CHODL: variants seen among roughly 807,000 people sequenced by gnomAD.
CHODL encodes the protein transmembrane protein MT75.
A neutral mutation model predicts 34.5 loss-of-function variants in CHODL; 29 were observed. The ratio of observed to expected loss-of-function variants is 0.84; its 90% confidence interval spans 0.63 to 1.15. The LOEUF (loss-of-function observed/expected upper bound fraction) is 1.15, where lower values mean the gene tolerates loss of function less well. Ranked by LOEUF, CHODL falls within the 50% of genes most tolerant of loss-of-function variation. The pLI is 0.00. For missense variants in CHODL, 332 were observed against 332.5 expected, an observed-to-expected ratio of 1.00 and a Z score of 0.01; for synonymous variants, 125 against 116.1, an observed-to-expected ratio of 1.08 and a Z score of -0.49.
At chr21:18,064,539 C>T (rs932396616) in intron 2 of CHODL, among the ~76,000 whole-genome samples, 2 of 152,100 alleles carry the variant, frequency 1.3e-5, no homozygotes, top group African/African-American at 4.8e-5. Flanking sequence ...TGGTCTTTTC[C>T]TGCCTTTGTA....
chr21:18,218,588 C>T (rs527572401), intron 2 of CHODL, among the ~76,000 whole-genome samples: 151 of 152,298 alleles, frequency 9.9e-4, no homozygotes, highest in African/African-American at 3.6e-3. Context: ...ACATTGGGCT[C>T]CTCATTACTT....
rs374801093 is a variant in CHODL at position 18,143,582 on chromosome 21, G to T, written c.-44-112927G>T. Reference sequence around the variant, plus strand: ...TCAAATATTAACTGTGTTACTTTCGGCAATTTACTTAAACTCTATGAGTCT... The same window carrying T: ...TCAAATATTAACTGTGTTACTTTCGTCAATTTACTTAAACTCTATGAGTCT... On this transcript the variant is annotated intron_variant, in intron 2 of 6. Coordinates refer to the CHODL transcript ENST00000400127. Among the ~76,000 whole-genome samples, 17 of 152,108 alleles carry T rather than the reference G, an allele frequency of 1.1e-4. No homozygotes were observed. The East Asian group carries it at 2.7e-3, about 24-fold the overall frequency.
chr21:18,181,315 TG>T (rs2073378557), intron 2 of CHODL, among the ~76,000 whole-genome samples: 1 of 152,252 alleles, frequency 6.6e-6, no homozygotes, highest in Non-Finnish European at 1.5e-5. Context: ...TTAGTAGAGT[TG>T]TGCAACCATC....
intron 2 of CHODL, among the ~76,000 whole-genome samples, chr21:18,031,994 A>G (rs2064253576): frequency 6.6e-6 from 1 of 152,138 alleles, no homozygotes; most frequent in Admixed American, 6.6e-5. Context: ...ACACTAATTT[A>G]CAATGCTACT....
chr21:18,205,946 CA>C (rs2146715104), intron 2 of CHODL, among the ~76,000 whole-genome samples: 1 of 152,138 alleles, frequency 6.6e-6, no homozygotes, highest in Non-Finnish European at 1.5e-5. Flanking sequence ...GTATAGTTTT[CA>C]AAATTCCTCT....
chr21:18,220,972 T>A (rs976955862), intron 2 of CHODL, among the ~76,000 whole-genome samples: 4 of 152,182 alleles, frequency 2.6e-5, no homozygotes, highest in African/African-American at 9.6e-5. Context: ...ATTATTTTGT[T>A]AAATAGGTTT....
intron 2 of CHODL, among the ~76,000 whole-genome samples, chr21:18,174,320 T>C (rs1334310095): frequency 1.3e-5 from 2 of 151,448 alleles, no homozygotes; most frequent in Non-Finnish European, 2.9e-5. Context: ...AATTTTTTCT[T>C]GCAATTTTTT....
chr21:18,245,364 G>T, intron 1 of CHODL, 62 bp downstream of exon 1: 1 of 1,386,574 alleles, frequency 7.2e-7, no homozygotes, highest in South Asian at 1.4e-5. Flanking sequence ...GGCGCGGCGG[G>T]CAGCCTGTTC....
At chr21:18,003,259 TC>T (rs2063928156) in intron 1 of CHODL, among the ~76,000 whole-genome samples, 1 of 151,684 alleles carries the variant, frequency 6.6e-6, no homozygotes, top group Non-Finnish European at 1.5e-5. Context: ...TGTCAAACTT[TC>T]CCCAAGTGAT....
intron 2 of CHODL, among the ~76,000 whole-genome samples, chr21:18,122,723 C>T (rs1358903745): frequency 1.3e-5 from 2 of 152,122 alleles, no homozygotes; most frequent in Non-Finnish European, 2.9e-5. Flanking sequence ...TAAAGCACTA[C>T]TAAAGCTAAT....
chr21:17,990,483 G>A (rs2063788442), intron 1 of CHODL, among the ~76,000 whole-genome samples: 1 of 152,056 alleles, frequency 6.6e-6, no homozygotes, highest in South Asian at 2.1e-4. Context: ...ATACTGGGAT[G>A]TTAGAATATT....
intron 1 of CHODL, among the ~76,000 whole-genome samples, chr21:17,923,000 A>G (rs1474537291): frequency 6.6e-6 from 1 of 152,162 alleles, no homozygotes; most frequent in Non-Finnish European, 1.5e-5. Flanking sequence ...GACAACTTCA[A>G]GCAGGGAGGG....
intron 2 of CHODL, among the ~76,000 whole-genome samples, chr21:18,190,745 C>T (rs535037863): frequency 1.3e-5 from 2 of 152,070 alleles, no homozygotes; most frequent in Non-Finnish European, 2.9e-5. Context: ...TTTTGTATAG[C>T]AATCTGATAA....
intron 2 of CHODL, among the ~76,000 whole-genome samples, chr21:18,047,253 A>C (rs2064455436): frequency 6.6e-6 from 1 of 151,888 alleles, no homozygotes. Flanking sequence ...ATATTGCCTA[A>C]TTAGATTAAC....
intron 2 of CHODL, among the ~76,000 whole-genome samples, chr21:18,209,946 T>C (rs1298746473): frequency 1.3e-5 from 2 of 152,154 alleles, no homozygotes; most frequent in Admixed American, 6.5e-5. Context: ...AAGTGGAAGA[T>C]AGAATTTTCT....
chr21:18,023,506 G>A (rs948979994), intron 1 of CHODL, among the ~76,000 whole-genome samples: 3 of 152,046 alleles, frequency 2.0e-5, no homozygotes, highest in African/African-American at 7.2e-5. Context: ...AATCAGGAAT[G>A]AAGGGCAACT....
At chr21:18,087,299 C>T (rs2065019606) in intron 2 of CHODL, among the ~76,000 whole-genome samples, 1 of 152,046 alleles carries the variant, frequency 6.6e-6, no homozygotes, top group Non-Finnish European at 1.5e-5. Context: ...CTGAGGTACT[C>T]ATAGGAGAGT....
intron 4 of CHODL, among the ~76,000 whole-genome samples, chr21:18,260,796 A>G (rs1382510272): frequency 5.3e-5 from 8 of 152,018 alleles, no homozygotes; most frequent in Admixed American, 6.5e-5. Context: ...TGGTCAACAA[A>G]GTGAGACCCT....
At position 18,144,964 on chromosome 21, in the gene CHODL, G is replaced by A. The variant is rs1364050820; in HGVS notation, c.-44-111545G>A. Reference sequence around the variant, plus strand: ...TTGATGCTTTGAAAATAAATTATTTGTATGTCAATTATACATGACTAATTT... The same window carrying A: ...TTGATGCTTTGAAAATAAATTATTTATATGTCAATTATACATGACTAATTT... On this transcript the variant is annotated intron_variant, in intron 2 of 6. Coordinates refer to the CHODL transcript ENST00000400127. Among the ~76,000 whole-genome samples the A allele has an allele frequency of 1.6e-4, 9 of 55,118 alleles. No homozygotes were observed. In the East Asian group the frequency reaches 2.5e-3, roughly 16 times the overall value. 36.2% of individuals were successfully genotyped at this position (55,118 alleles called of 152,430 possible).
Sources: allele counts gnomAD v4.1 joint callset (sites outside exome capture counted in the v4.1 genomes callset), GRCh38; gene constraint gnomAD v4.1.1; transcripts MANE v1.5; gene names NCBI Gene and HGNC (gene_info 2026-07-23, HGNC 2026-07-21).